The following KY variants were observed in gnomAD, a reference collection of about 807,000 sequenced individuals.
KY encodes kyphoscoliosis peptidase.
KY carries 43 observed loss-of-function variants against 76.1 expected under a neutral mutation model. That is an observed-to-expected ratio of 0.57 (90% CI 0.44 to 0.73). The LOEUF (loss-of-function observed/expected upper bound fraction) is 0.73, where lower values mean the gene tolerates loss of function less well. Ranked by LOEUF, KY falls within the 30% of genes least tolerant of loss-of-function variation. KY has a pLI of 0.00. For synonymous variants in KY, 277 were observed against 326.2 expected, an observed-to-expected ratio of 0.85 and a Z score of 1.63; for missense variants, 722 against 828.9, an observed-to-expected ratio of 0.87 and a Z score of 1.58.
chr3:134,623,033 G>A lies in KY; in HGVS notation c.483+2020C>T, dbSNP rs564318668. The stretch of plus-strand genomic sequence containing the variant: ...TTCTTCTACGTCCAGCTCCAACACC[G>A]CAGACTTTGTCCTTGTCCCTCTCCC... On this transcript the variant is annotated intron_variant, in intron 6 of 10. Transcript: ENST00000423778. Among the ~76,000 whole-genome samples, 155 of 152,254 alleles carry A rather than the reference G, an allele frequency of 1.0e-3. 1 individual carries two copies. Among genetic ancestry groups the A allele is most frequent in the African/African-American group, 3.4e-3 (142 of 41,556 alleles).
At chr3:134,633,694 C>T (rs1232785309) in intron 3 of KY, among the ~76,000 whole-genome samples, 1 of 152,074 alleles carries the variant, frequency 6.6e-6, no homozygotes, top group Non-Finnish European at 1.5e-5. Context: ...ATATTGGGAA[C>T]AAGTCATAGA....
In KY at chr3:134,603,663, G is replaced by A. The variant is rs1403358633; in HGVS notation, c.1902C>T (p.Cys634=). The change falls in exon 11 of 11, where the codon TGC becomes TGT. Residue 634 remains cysteine, a synonymous_variant. Coordinates refer to ENST00000423778, the MANE Select transcript of KY (RefSeq NM_178554.6). ...CCAGCACCATGACATAGACTTCCTG[G>A]CAGCCAGCTGTGCTGCAGCTTCCCT... ...YWEGSCSTAG[C]QEVYVMVLEN... 14 of 1,613,644 alleles carry A rather than the reference G, an allele frequency of 8.7e-6. No individual in the cohort carries two copies. Among genetic ancestry groups the A allele is most frequent in the Non-Finnish European group, 1.2e-5 (14 of 1,179,700 alleles).
intron 5 of KY, among the ~76,000 whole-genome samples, chr3:134,627,304 C>T (rs923967663): frequency 6.6e-6 from 1 of 152,118 alleles, no homozygotes; most frequent in Admixed American, 6.5e-5. Context: ...ATCTGGTCTA[C>T]TGAGGGGGAA....
At chr3:134,627,253 C>A (rs1338078922) in intron 5 of KY, among the ~76,000 whole-genome samples, 1 of 152,062 alleles carries the variant, frequency 6.6e-6, no homozygotes, top group Non-Finnish European at 1.5e-5. Flanking sequence ...TAAAGCAAAA[C>A]AATAGGAAGA....
At position 134,604,409 on chromosome 3, in the gene KY, C is replaced by T; in HGVS notation, c.1156G>A (p.Gly386Ser). 2 of 1,613,980 alleles carry T rather than the reference C, an allele frequency of 1.2e-6. No homozygotes were observed. Among genetic ancestry groups the T allele is most frequent in the East Asian group, 2.2e-5 (1 of 44,878 alleles). The change falls in exon 11 of 11, where the codon GGC becomes AGC. Residue 386 changes from glycine (G) to serine (S), a missense_variant. Coordinates refer to ENST00000423778, the MANE Select transcript of KY (RefSeq NM_178554.6). ...APTLFMFMLN[G>S]KQEHGLLSLR... ...CTCAGCAGCCCATGCTCTTGCTTGC[C>T]ATTGAGCATGAACATGAACAGCGTC...
intron 6 of KY, among the ~76,000 whole-genome samples, chr3:134,622,959 G>A (rs1023646956): frequency 6.6e-6 from 1 of 152,286 alleles, no homozygotes; most frequent in Non-Finnish European, 1.5e-5. Context: ...CTGACCTCTG[G>A]AGACCTCTGG....
chr3:134,625,224 G>A, intron 5 of KY, 89 bp from the exon 6 acceptor site: 1 of 994,322 alleles, frequency 1.0e-6, no homozygotes, highest in Non-Finnish European at 1.6e-6. Context: ...GAGGAGCTGT[G>A]ACTGTCCAAC....
In KY at chr3:134,650,893, C is replaced by T. The variant is rs374971131; in HGVS notation, c.68G>A (p.Arg23Gln). 7 of 1,613,040 alleles carry T rather than the reference C, an allele frequency of 4.3e-6. No individual in the cohort carries two copies. In the East Asian group the frequency reaches 8.9e-5, roughly 21 times the overall value. ...TGAGAGCGTACCCTGTGCGGCGCGC[C>T]GCTTCTCCGAGTGCACGATCAGCAG... ...DMLLIVHSEK[R>Q]RAAQGTLSDQ... The change falls in exon 1 of 11, where the codon CGG (arginine) becomes CAG (glutamine). Residue 23 changes from arginine (R) to glutamine (Q), a missense_variant. Arg to Gln is a conservative substitution (Grantham distance 43). Transcript: ENST00000423778.
chr3:134,600,502 A>G lies in KY; in HGVS notation c.*3077T>C, dbSNP rs1958916443. ...GGGAACTCACAATGATCATAATCAG[A>G]TTGAAAATGGAGTCCAGCTGAGCTA... On this transcript the variant is annotated 3_prime_UTR_variant, in exon 11 of 11. Transcript: ENST00000423778. Among the ~76,000 whole-genome samples, 1 of 152,214 alleles carries G rather than the reference A, an allele frequency of 6.6e-6. No homozygotes were observed. The highest frequency in any genetic ancestry group is 6.5e-5 in the Admixed American group (1 of 15,288).
chr3:134,616,255 C>G (rs1961548693), intron 8 of KY, among the ~76,000 whole-genome samples: 1 of 152,192 alleles, frequency 6.6e-6, no homozygotes, highest in Admixed American at 6.5e-5. Flanking sequence ...TTGGGACAGA[C>G]AGAAGGAACT....
chr3:134,640,264 C>A (rs1249461321), intron 3 of KY, among the ~76,000 whole-genome samples: 1 of 152,180 alleles, frequency 6.6e-6, no homozygotes, highest in African/African-American at 2.4e-5. Context: ...CCAGATTGGT[C>A]CCTGTCCTGT....
At chr3:134,627,498 A>G (rs1466670392) in intron 5 of KY, among the ~76,000 whole-genome samples, 8 of 152,226 alleles carry the variant, frequency 5.3e-5, no homozygotes, top group Admixed American at 1.3e-4. Flanking sequence ...TATGTTTCCT[A>G]TAATGGTCTG....
intron 6 of KY, among the ~76,000 whole-genome samples, chr3:134,622,692 AT>A (rs1962840979): frequency 6.6e-6 from 1 of 152,228 alleles, no homozygotes; most frequent in Admixed American, 6.5e-5. Flanking sequence ...ATGTTATTTT[AT>A]GATAAAAAAA....
intron 3 of KY, among the ~76,000 whole-genome samples, chr3:134,631,307 A>C (rs1016538477): frequency 1.3e-5 from 2 of 152,240 alleles, no homozygotes; most frequent in African/African-American, 4.8e-5. Context: ...AAAGAAAAAA[A>C]TATGGAAAGT....
intron 6 of KY, 128 bp from the exon 7 acceptor site, chr3:134,620,985 G>A: frequency 1.5e-6 from 1 of 647,574 alleles, no homozygotes. Context: ...GTCCTGAGGG[G>A]CAAAGGCTGG....
chr3:134,646,566 G>T (rs752467952), intron 2 of KY, among the ~76,000 whole-genome samples: 8 of 152,182 alleles, frequency 5.3e-5, no homozygotes, highest in Non-Finnish European at 8.8e-5. Flanking sequence ...ATGAGTGAAT[G>T]AATTCACTTT....
At chr3:134,605,369 A>G (rs1270486538) in intron 10 of KY, among the ~76,000 whole-genome samples, 5 of 152,112 alleles carry the variant, frequency 3.3e-5, no homozygotes. Context: ...GTTGAGTGCA[A>G]AGGAAGGAGA....
intron 4 of KY, chr3:134,629,329 A>G (rs1963910106): frequency 2.6e-6 from 1 of 391,108 alleles, no homozygotes; most frequent in South Asian, 4.8e-5. Context: ...TCTGGCAGTA[A>G]ACAAATGGTA....
chr3:134,648,156 G>C (rs931389269), intron 1 of KY, among the ~76,000 whole-genome samples: 5 of 152,216 alleles, frequency 3.3e-5, no homozygotes, highest in Admixed American at 6.5e-5. Flanking sequence ...GGGAGCTGCT[G>C]CAATAAAATT....
Sources: allele counts gnomAD v4.1 joint callset (sites outside exome capture counted in the v4.1 genomes callset), GRCh38; gene constraint gnomAD v4.1.1; transcripts MANE v1.5; gene names NCBI Gene and HGNC (gene_info 2026-07-23, HGNC 2026-07-21).